BPIFB2: variants seen among roughly 807,000 people sequenced by gnomAD.
BPIFB2 encodes BPI fold containing family B member 2.
A neutral mutation model predicts 50.1 loss-of-function variants in BPIFB2; 39 were observed. The observed-to-expected ratio is 0.78, with a 90% confidence interval of 0.60 to 1.02. BPIFB2 has a LOEUF of 1.02. Ranked by LOEUF, BPIFB2 falls within the 50% of genes least tolerant of loss-of-function variation. BPIFB2 has a pLI of 0.00. For missense variants in BPIFB2, 574 were observed against 585.8 expected (o/e 0.98, Z 0.21); for synonymous variants, 280 against 256.3 (o/e 1.09, Z -0.88).
At chr20:33,017,768 G>A (rs1366307990) in intron 7 of BPIFB2, among the ~76,000 whole-genome samples, 2 of 152,354 alleles carry the variant, frequency 1.3e-5, no homozygotes, top group South Asian at 2.1e-4. Flanking sequence ...ACCAGACTGC[G>A]TGTGCGTGTG....
chr20:33,023,229 C>A, intron 15 of BPIFB2, 113 bp from the exon 16 acceptor site: 2 of 1,123,564 alleles, frequency 1.8e-6, no homozygotes, highest in South Asian at 1.3e-5. Flanking sequence ...AAGGACTCTC[C>A]TCACAACCCA....
intron 11 of BPIFB2, among the ~76,000 whole-genome samples, chr20:33,020,062 C>T (rs1978602864): frequency 6.6e-6 from 1 of 152,236 alleles, no homozygotes; most frequent in African/African-American, 2.4e-5. Flanking sequence ...CATTTGTGGC[C>T]CCTGCCACTC....
chr20:33,020,941 G>T (rs1041874456), intron 13 of BPIFB2, among the ~76,000 whole-genome samples: 1 of 152,188 alleles, frequency 6.6e-6, no homozygotes, highest in Non-Finnish European at 1.5e-5. Flanking sequence ...CCGTCAGTCT[G>T]TCTGTCTGTC....
chr20:33,015,043 G>A (rs917790006), intron 5 of BPIFB2, among the ~76,000 whole-genome samples: 3 of 152,226 alleles, frequency 2.0e-5, no homozygotes, highest in Admixed American at 2.0e-4. Flanking sequence ...TATTAGGTGT[G>A]TCACAGAAAA....
intron 15 of BPIFB2, 82 bp downstream of exon 15, chr20:33,021,881 C>T (rs1011074370): frequency 5.1e-6 from 7 of 1,377,690 alleles, no homozygotes; most frequent in East Asian, 2.3e-5. Flanking sequence ...TCTCCCTCCC[C>T]CTCTGTGGCT....
intron 7 of BPIFB2, 121 bp downstream of exon 7, chr20:33,017,223 A>T: frequency 2.5e-6 from 2 of 800,440 alleles, no homozygotes; most frequent in South Asian, 4.5e-5. Flanking sequence ...TTGTAGGGTG[A>T]CTGAATTGTG....
At chr20:33,020,466 G>C in intron 12 of BPIFB2, 71 bp downstream of exon 12, 1 of 1,597,482 alleles carries the variant, frequency 6.3e-7, no homozygotes, top group Non-Finnish European at 8.6e-7. Context: ...ACCACCCTGG[G>C]TCACGGTGTT....
chr20:33,019,018 G>A (rs1307437543), intron 9 of BPIFB2, 44 bp from the exon 10 acceptor site: 1 of 1,612,656 alleles, frequency 6.2e-7, no homozygotes, highest in Non-Finnish European at 8.5e-7. Context: ...GTCTTGGGGA[G>A]CAGCTGTCCT....
intron 3 of BPIFB2, among the ~76,000 whole-genome samples, chr20:33,011,396 G>A (rs1172626801): frequency 6.6e-6 from 1 of 152,232 alleles, no homozygotes; most frequent in African/African-American, 2.4e-5. Context: ...CTGCCCTCAA[G>A]GGCTAAGAGT....
At chr20:33,020,653 A>G in intron 13 of BPIFB2, 66 bp downstream of exon 13, 1 of 1,498,116 alleles carries the variant, frequency 6.7e-7, no homozygotes, top group Non-Finnish European at 9.0e-7. Flanking sequence ...AGCCTGGGGA[A>G]GAGATGGCTG....
In BPIFB2 at chr20:33,020,369, G is replaced by T; in HGVS notation, c.1122G>T (p.Lys374Asn). ...LRLQLSVSKV[K>N]LQGTTSVLGD... ...TCCAGCTCTCTGTGTCCAAGGTGAA[G>T]CTTCAGGGGACCACGTCTGTGCTGG... The change falls in exon 12 of 16, where the codon AAG (lysine) becomes AAT (asparagine). Residue 374 changes from lysine (K) to asparagine (N), a missense_variant. Lys to Asn is a moderately conservative substitution (Grantham distance 94). Coordinates refer to ENST00000170150, the MANE Select transcript of BPIFB2 (RefSeq NM_025227.3). The T allele has an allele frequency of 6.2e-7, 1 of 1,614,150 alleles. No homozygotes were observed. The highest frequency in any genetic ancestry group is 1.6e-4 in the Middle Eastern group (1 of 6,062).
intron 1 of BPIFB2, 46 bp from the exon 2 acceptor site, chr20:33,008,481 TCGGGTGGCTCAGGG>T: frequency 1.0e-6 from 1 of 996,272 alleles, no homozygotes; most frequent in Non-Finnish European, 1.5e-6. Flanking sequence ...GGAGTGGGGT[TCGGGTGGCTCAGGG>T]GTGGGCTGTT....
intron 2 of BPIFB2, 116 bp from the exon 3 acceptor site, chr20:33,010,908 C>T (rs995185559): frequency 1.1e-6 from 1 of 877,324 alleles, no homozygotes; most frequent in Non-Finnish European, 1.8e-6. Flanking sequence ...AGTAAGCCTA[C>T]CCCTTCCAGT....
Position 33,023,313 on chromosome 20 carries a change from C to T in BPIFB2, c.1336-29C>T, listed in dbSNP as rs200305703. 1,150 of 1,611,386 alleles carry T rather than the reference C, an allele frequency of 7.1e-4. 1 individual carries two copies. The highest frequency in any genetic ancestry group is 9.3e-4 in the Non-Finnish European group (1,094 of 1,177,804). ...GGGGTCCTGCCTGTGCCTCCTCTGA[C>T]CTGGTCCATGGTTTCCTTTGCCCTT... On this transcript the variant is annotated intron_variant, in intron 15 of 15. Coordinates refer to ENST00000170150, the MANE Select transcript of BPIFB2 (RefSeq NM_025227.3).
At chr20:33,007,934 G>T (rs1419404200) in intron 1 of BPIFB2, among the ~76,000 whole-genome samples, 174 bp downstream of exon 1, 2 of 152,210 alleles carry the variant, frequency 1.3e-5, no homozygotes, top group Non-Finnish European at 2.9e-5. Context: ...CACCTGAGCC[G>T]CAGTCCCTCA....
intron 5 of BPIFB2, 139 bp downstream of exon 5, chr20:33,014,095 C>T (rs779281595): frequency 3.1e-5 from 37 of 1,179,968 alleles, no homozygotes; most frequent in Admixed American, 8.7e-5. Flanking sequence ...TGTTTTATGT[C>T]GGAGGACACT....
At chr20:33,017,986 C>T (rs1044725083) in intron 7 of BPIFB2, among the ~76,000 whole-genome samples, 2 of 152,156 alleles carry the variant, frequency 1.3e-5, no homozygotes, top group Non-Finnish European at 2.9e-5. Context: ...CTTGGGGTCA[C>T]TAGTCTCCCA....
At position 33,017,952 on chromosome 20, in the gene BPIFB2, C is replaced by T. The variant is rs145396022; in HGVS notation, c.578-307C>T. Among the ~76,000 whole-genome samples, 525 of 152,288 alleles carry T rather than the reference C, an allele frequency of 3.4e-3. 3 individuals carry two copies. Among genetic ancestry groups the T allele is most frequent in the African/African-American group, 0.012 (502 of 41,542 alleles). The stretch of plus-strand genomic sequence containing the variant: ...TTGTCAGGGGATATTTGTGCCTGGA[C>T]TGGGCCCTTCTCCTTCCTTCTAACT... On this transcript the variant is annotated intron_variant, in intron 7 of 15. Coordinates refer to ENST00000170150, the MANE Select transcript of BPIFB2 (RefSeq NM_025227.3).
chr20:33,018,983 T>A, intron 9 of BPIFB2, 79 bp from the exon 10 acceptor site: 1 of 1,599,130 alleles, frequency 6.3e-7, no homozygotes, highest in Non-Finnish European at 8.6e-7. Flanking sequence ...TGGGGAGCGA[T>A]TGCTCAGGGG....
Sources: gnomAD v4.1 joint callset for allele counts (sites outside exome capture counted in the v4.1 genomes callset) on GRCh38, gnomAD v4.1.1 for gene constraint, MANE v1.5 for transcripts, NCBI Gene and HGNC (gene_info 2026-07-23, HGNC 2026-07-21) for gene names.